Variants in RBFOX1 observed in about 807,000 individuals in gnomAD.
RBFOX1 encodes the protein RNA binding protein fox-1 homolog 1.
Under a neutral mutation model 57.7 loss-of-function variants are expected in RBFOX1, and 8 were observed. The ratio of observed to expected loss-of-function variants is 0.14; its 90% CI spans 0.08 to 0.25. RBFOX1 has a LOEUF of 0.25. Among genes scored for constraint, RBFOX1 ranks in the 10% least tolerant of loss-of-function variants. The probability of loss-of-function intolerance (pLI) is 1.00; values close to 1 mark genes in which losing one functional copy is unlikely to be tolerated. For synonymous variants in RBFOX1, 326 were observed against 222.4 expected (o/e 1.47, Z -4.15); for missense variants, 611 against 548.5 (o/e 1.11, Z -1.14).
chr16:5,557,008 C>G (rs2045702438), intron 2 of RBFOX1, among the ~76,000 whole-genome samples: 2 of 152,060 alleles, frequency 1.3e-5, no homozygotes, highest in South Asian at 4.1e-4. Context: ...GCCTGTAATC[C>G]CAGCACTTTG....
chr16:6,888,433 C>G (rs1356516842), intron 3 of RBFOX1, among the ~76,000 whole-genome samples: 1 of 152,120 alleles, frequency 6.6e-6, no homozygotes, highest in African/African-American at 2.4e-5. Flanking sequence ...AAGCAGTGTT[C>G]TCTTTATATA....
intron 4 of RBFOX1, among the ~76,000 whole-genome samples, chr16:7,102,489 G>C (rs1161438160): frequency 6.6e-6 from 1 of 152,156 alleles, no homozygotes; most frequent in Non-Finnish European, 1.5e-5. Context: ...AGATTTAATA[G>C]AGACCAAAGT....
At chr16:6,508,765 C>A (rs915046584) in intron 2 of RBFOX1, among the ~76,000 whole-genome samples, 1 of 151,908 alleles carries the variant, frequency 6.6e-6, no homozygotes. Context: ...ATATTTAAGG[C>A]TCTGTATTAA....
intron 3 of RBFOX1, among the ~76,000 whole-genome samples, chr16:6,953,954 T>C (rs1046171376): frequency 6.6e-6 from 1 of 152,188 alleles, no homozygotes; most frequent in African/African-American, 2.4e-5. Context: ...TAACCTCTTA[T>C]TTACAAAAGT....
chr16:7,450,682 T>A (rs1017210337), intron 4 of RBFOX1, among the ~76,000 whole-genome samples: 1 of 152,132 alleles, frequency 6.6e-6, no homozygotes, highest in African/African-American at 2.4e-5. Context: ...AGAAGGGTGT[T>A]GGCATCTATT....
chr16:6,789,110 C>T (rs1204842862), intron 3 of RBFOX1, among the ~76,000 whole-genome samples: 1 of 151,918 alleles, frequency 6.6e-6, no homozygotes, highest in African/African-American at 2.4e-5. Flanking sequence ...CCTGAATTTA[C>T]CAGATTAGGA....
chr16:7,497,532 C>G (rs1567514200), intron 4 of RBFOX1, among the ~76,000 whole-genome samples: 1 of 152,150 alleles, frequency 6.6e-6, no homozygotes, highest in African/African-American at 2.4e-5. Flanking sequence ...AGATCTTAAT[C>G]TGCATGAGAG....
intron 10 of RBFOX1, among the ~76,000 whole-genome samples, chr16:7,619,900 A>G (rs749163272): frequency 3.7e-4 from 57 of 152,314 alleles, no homozygotes; most frequent in Non-Finnish European, 7.2e-4. Context: ...ACCTTTGCCT[A>G]CAGTGGCTCT....
At chr16:7,209,205 C>T (rs1002719432) in intron 4 of RBFOX1, among the ~76,000 whole-genome samples, 7 of 151,332 alleles carry the variant, frequency 4.6e-5, no homozygotes, top group Admixed American at 2.0e-4. Flanking sequence ...TGTGGCAGTG[C>T]ATGCATGTAA....
At chr16:6,717,614 A>AT (rs2154158041) in intron 3 of RBFOX1, among the ~76,000 whole-genome samples, 1 of 150,240 alleles carries the variant, frequency 6.7e-6, no homozygotes, top group South Asian at 2.1e-4. Context: ...AAATACGGTG[A>AT]TTTTTTACAT....
intron 1 of RBFOX1, among the ~76,000 whole-genome samples, chr16:6,055,230 G>C (rs2095600400): frequency 6.6e-6 from 1 of 152,154 alleles, no homozygotes; most frequent in Middle Eastern, 3.4e-3. Flanking sequence ...CATTAAACGA[G>C]TCATCTGTTC....
intron 3 of RBFOX1, among the ~76,000 whole-genome samples, chr16:6,879,572 T>G (rs556624372): frequency 6.6e-6 from 1 of 152,236 alleles, no homozygotes; most frequent in Non-Finnish European, 1.5e-5. Flanking sequence ...AACATAAGTT[T>G]CCATTATCAT....
At chr16:6,000,042 T>G (rs2060569250) in intron 4 of RBFOX1, among the ~76,000 whole-genome samples, 1 of 152,058 alleles carries the variant, frequency 6.6e-6, no homozygotes, top group East Asian at 1.9e-4. Flanking sequence ...GCAGGCTGTG[T>G]GGGATGACTG....
At chr16:7,465,987 T>C (rs2060450888) in intron 4 of RBFOX1, among the ~76,000 whole-genome samples, 1 of 152,200 alleles carries the variant, frequency 6.6e-6, no homozygotes, top group African/African-American at 2.4e-5. Context: ...CTCTAACAGA[T>C]CTCATCGTTC....
Position 5,593,673 on chromosome 16 carries a change from G to C in RBFOX1, c.259-5229G>C, listed in dbSNP as rs148461611. Among the ~76,000 whole-genome samples the C allele has an allele frequency of 3.9e-5, 6 of 152,230 alleles. No individual in the cohort carries two copies. In the East Asian group the frequency reaches 1.2e-3, roughly 29 times the overall value. ...GAAGTTACCGTATATGGTCTGAAAA[G>C]AAGAGGCATGAATAATCCATCCCTT... On this transcript the variant is annotated intron_variant, in intron 2 of 2. Transcript: ENST00000585867.
rs62016155 is a variant in RBFOX1, at chr16:5,325,728, T to C, written c.219+85623T>C. ...AGCTGCTTTCCTTTAGTGTAATGTC[T>C]TGAGCATCACACAAGTGGTTGTGTG... On this transcript the variant is annotated intron_variant, in intron 1 of 2. Coordinates refer to the RBFOX1 transcript ENST00000585867. Among the ~76,000 whole-genome samples the C allele has an allele frequency of 3.2e-3, 492 of 152,346 alleles. 6 individuals are homozygous for C. The highest frequency in any genetic ancestry group is 4.8e-3 in the Non-Finnish European group (326 of 68,034).
intron 3 of RBFOX1, among the ~76,000 whole-genome samples, chr16:6,871,030 A>G (rs571081976): frequency 2.4e-4 from 37 of 152,396 alleles, no homozygotes; most frequent in Admixed American, 1.6e-3. Flanking sequence ...TTGGAAAGCA[A>G]ATGAAGTCAT....
intron 2 of RBFOX1, among the ~76,000 whole-genome samples, chr16:6,336,924 T>C (rs1052831471): frequency 6.6e-6 from 1 of 152,218 alleles, no homozygotes; most frequent in African/African-American, 2.4e-5. Context: ...TATCATTTAT[T>C]GGCAATCTAC....
chr16:6,590,628 G>A (rs1402424268), intron 2 of RBFOX1, among the ~76,000 whole-genome samples: 1 of 152,138 alleles, frequency 6.6e-6, no homozygotes, highest in Non-Finnish European at 1.5e-5. Flanking sequence ...TGGCTTCATG[G>A]GGCCTAGCTG....
Sources: allele counts gnomAD v4.1 joint callset (sites outside exome capture counted in the v4.1 genomes callset), GRCh38; gene constraint gnomAD v4.1.1; transcripts MANE v1.5; gene names NCBI Gene and HGNC (gene_info 2026-07-23, HGNC 2026-07-21).